Variants in MLIP observed in about 807,000 individuals in gnomAD.
The protein encoded by MLIP is muscular LMNA-interacting protein.
In MLIP, 79 loss-of-function variants were observed where a neutral mutation model predicts 84.8. The observed-to-expected ratio is 0.93, with a 90% CI of 0.78 to 1.12. The LOEUF is 1.12. Ranked by LOEUF, MLIP falls within the 50% of genes most tolerant of loss-of-function variation. The pLI, the probability that MLIP is intolerant of heterozygous loss-of-function variation, is 0.00. For missense variants in MLIP, 1,257 were observed against 1,160.6 expected (o/e 1.08, Z -1.21); for synonymous variants, 504 against 463.0 (o/e 1.09, Z -1.14).
chr6:54,169,444 A>G (rs184589057), intron 8 of MLIP, 84 bp from the exon 9 acceptor site: 1 of 812,866 alleles, frequency 1.2e-6, no homozygotes, highest in East Asian at 3.1e-5. Flanking sequence ...TCAATTGAGA[A>G]GAAGGTGAAC....
intron 12 of MLIP, among the ~76,000 whole-genome samples, chr6:54,247,695 A>G (rs1472226904): frequency 6.6e-6 from 1 of 152,158 alleles, no homozygotes; most frequent in East Asian, 1.9e-4. Flanking sequence ...CAGGCACCAT[A>G]TAGAAAGAAG....
chr6:54,200,925 T>G (rs1778635989), intron 10 of MLIP, among the ~76,000 whole-genome samples: 1 of 152,196 alleles, frequency 6.6e-6, no homozygotes, highest in Admixed American at 6.5e-5. Context: ...TGTAGTCCCT[T>G]AAGGCTTAAC....
intron 10 of MLIP, among the ~76,000 whole-genome samples, chr6:54,201,610 T>C (rs1295648298): frequency 6.6e-6 from 1 of 152,174 alleles, no homozygotes; most frequent in Non-Finnish European, 1.5e-5. Flanking sequence ...CTCCACTCTT[T>C]TAGGTCAGAA....
chr6:54,060,499 T>C (rs1282571621), intron 1 of MLIP, among the ~76,000 whole-genome samples: 1 of 152,170 alleles, frequency 6.6e-6, no homozygotes, highest in Non-Finnish European at 1.5e-5. Context: ...CTTGGCTACA[T>C]GCTAAGTGAT....
At position 54,216,212 on chromosome 6, in the gene MLIP, AAGAGGTT is replaced by A; in HGVS notation, c.2718+13980_2718+13986del. On this transcript the variant is annotated intron_variant, in intron 11 of 13. Coordinates refer to ENST00000502396, the MANE Select transcript of MLIP (RefSeq NM_001281747.2). ...TTAGAATCACTTCAATTTTGGAAGA[AAGAGGTT>A]GATTTCCTGCTAAAGGGTCAACTGA... is the stretch of plus-strand genomic sequence containing the variant. 6 of 985,276 alleles carry A rather than the reference AAGAGGTT, an allele frequency of 6.1e-6. No homozygotes were observed. The Middle Eastern group carries it at 2.6e-3, about 429-fold the overall frequency. The allele number at this position is 985,276 out of a possible 1,614,324, so 61.0% of individuals were successfully genotyped here.
chr6:54,124,962 C>A, intron 3 of MLIP, 97 bp downstream of exon 3: 2 of 1,012,672 alleles, frequency 2.0e-6, no homozygotes, highest in African/African-American at 1.6e-5. Context: ...TTAAGGCAGA[C>A]AAAACTTTCA....
intron 11 of MLIP, among the ~76,000 whole-genome samples, chr6:54,209,435 G>T (rs1428313103): frequency 6.6e-6 from 1 of 152,156 alleles, no homozygotes; most frequent in Non-Finnish European, 1.5e-5. Flanking sequence ...ACAGAATCAA[G>T]CTAGTGATGC....
At position 54,137,300 on chromosome 6, in the gene MLIP, C is replaced by A. The variant is rs1436282188; in HGVS notation, c.1231C>A (p.Pro411Thr). 1 of 1,536,092 alleles carries A rather than the reference C, an allele frequency of 6.5e-7. No individual in the cohort carries two copies. Among genetic ancestry groups the A allele is most frequent in the African/African-American group, 1.4e-5 (1 of 73,140 alleles). ...LSKSGVKSPV[P>T]SRLALLTAIL... ...AAAGTCAGGGGTAAAATCCCCGGTG[C>A]CTTCCCGGCTTGCCCTTCTCACTGC... is the stretch of plus-strand genomic sequence containing the variant. The change falls in exon 4 of 14, where the codon CCT becomes ACT. Residue 411 changes from proline to threonine, a missense_variant. Coordinates refer to ENST00000502396, the MANE Select transcript of MLIP (RefSeq NM_001281747.2).
chr6:54,230,981 T>G (rs1780962036), intron 12 of MLIP, 64 bp downstream of exon 12: 2 of 1,400,640 alleles, frequency 1.4e-6, no homozygotes, highest in African/African-American at 2.9e-5. Flanking sequence ...GCTTGACTTT[T>G]AAAACTTAAA....
At chr6:54,167,749 C>T (rs930076048) in intron 8 of MLIP, among the ~76,000 whole-genome samples, 13 of 151,884 alleles carry the variant, frequency 8.6e-5, no homozygotes, top group African/African-American at 3.1e-4. Context: ...CCAGAAAAAA[C>T]TACCTGAATT....
chr6:54,167,022 T>C (rs1016035162), intron 8 of MLIP, among the ~76,000 whole-genome samples: 1 of 151,974 alleles, frequency 6.6e-6, no homozygotes, highest in African/African-American at 2.4e-5. Context: ...CTAGAAATCC[T>C]ATTTCTATAG....
intron 3 of MLIP, among the ~76,000 whole-genome samples, chr6:54,126,201 G>A (rs557963920): frequency 6.6e-6 from 1 of 151,986 alleles, no homozygotes; most frequent in African/African-American, 2.4e-5. Flanking sequence ...GTTAGGGGAG[G>A]ACAGCTTTAG....
At chr6:54,141,435 T>C (rs2150498381) in intron 4 of MLIP, among the ~76,000 whole-genome samples, 1 of 151,748 alleles carries the variant, frequency 6.6e-6, no homozygotes. Flanking sequence ...GCCTCCCAAG[T>C]AGCTGGGATT....
chr6:54,159,024 G>A (rs1358922292), intron 5 of MLIP, among the ~76,000 whole-genome samples: 2 of 151,912 alleles, frequency 1.3e-5, no homozygotes, highest in Non-Finnish European at 2.9e-5. Context: ...CCAGCTTCCT[G>A]CCTCAGTCTT....
intron 4 of MLIP, among the ~76,000 whole-genome samples, chr6:54,144,764 C>T (rs1436390388): frequency 6.6e-6 from 1 of 152,166 alleles, no homozygotes; most frequent in East Asian, 1.9e-4. Context: ...GTCCAAACCC[C>T]TGATCCTCAA....
At chr6:54,126,772 ATAT>A (rs1770955314) in intron 3 of MLIP, among the ~76,000 whole-genome samples, 1 of 152,146 alleles carries the variant, frequency 6.6e-6, no homozygotes, top group African/African-American at 2.4e-5. Context: ...GATGCCAACA[ATAT>A]CAAATTTTTA....
At chr6:54,265,174 G>A (rs1339544090) in intron 13 of MLIP, among the ~76,000 whole-genome samples, 1 of 152,074 alleles carries the variant, frequency 6.6e-6, no homozygotes, top group Non-Finnish European at 1.5e-5. Flanking sequence ...TCCTCCATTG[G>A]TGTTATTCCG....
intron 1 of MLIP, among the ~76,000 whole-genome samples, chr6:54,090,867 C>A (rs1337117206): frequency 6.6e-6 from 1 of 152,062 alleles, no homozygotes; most frequent in Non-Finnish European, 1.5e-5. Flanking sequence ...ATGTAGGGGA[C>A]AAAGTGACTT....
chr6:54,247,950 A>G (rs1227962637), intron 12 of MLIP, among the ~76,000 whole-genome samples: 4 of 152,052 alleles, frequency 2.6e-5, no homozygotes, highest in Non-Finnish European at 5.9e-5. Context: ...CAACACATCA[A>G]TTGACATCTG....
Sources: gnomAD v4.1 joint callset for allele counts (sites outside exome capture counted in the v4.1 genomes callset) on GRCh38, gnomAD v4.1.1 for gene constraint, MANE v1.5 for transcripts, NCBI Gene and HGNC (gene_info 2026-07-23, HGNC 2026-07-21) for gene names.